The following SDK2 variants were observed in gnomAD, a reference collection of about 807,000 sequenced individuals.
SDK2 encodes protein sidekick-2.
A neutral mutation model predicts 253.9 loss-of-function variants in SDK2; 105 were observed. That is an observed-to-expected ratio of 0.41 (90% CI 0.35 to 0.49). The LOEUF is 0.49. SDK2 is among the 20% of genes least tolerant of loss of function. The pLI, the probability that SDK2 is intolerant of heterozygous loss-of-function variation, is 0.06. For synonymous variants in SDK2, 1,249 were observed against 1,234.9 expected (o/e 1.01, Z -0.24); for missense variants, 2,608 against 3,003.0 (o/e 0.87, Z 3.07).
Position 73,383,748 on chromosome 17 carries a change from G to T in SDK2, c.4705+128C>A. The T allele has an allele frequency of 9.3e-7, 1 of 1,071,960 alleles. No homozygotes were observed. Among genetic ancestry groups the T allele is most frequent in the Non-Finnish European group, 1.4e-6 (1 of 727,368 alleles). 66.4% of individuals were successfully genotyped at this position (1,071,960 alleles called of 1,614,324 possible). A position where few individuals can be genotyped will look rare whatever the true frequency, so the allele number is the denominator to read the frequency against. On this transcript the variant is annotated intron_variant, in intron 33 of 44. Transcript: ENST00000392650. This position sits in a 1 kb window ranked among gnomAD's most constrained non-coding sequence, Gnocchi z 4.3. ...ATGAATGGGATGGGAGGAGGGAGAGGCACACATGGAGGAGGGAGGCAAGGT... is the reference window on the plus strand; with the variant it reads ...ATGAATGGGATGGGAGGAGGGAGAGTCACACATGGAGGAGGGAGGCAAGGT...
chr17:73,620,040 C>T (rs1418678570), intron 1 of SDK2, among the ~76,000 whole-genome samples: 7 of 151,872 alleles, frequency 4.6e-5, no homozygotes, highest in South Asian at 2.1e-4. Flanking sequence ...CTCTACAAAA[C>T]GTACAAAAAT....
chr17:73,543,401 C>T (rs1327672381), intron 1 of SDK2, among the ~76,000 whole-genome samples: 1 of 152,196 alleles, frequency 6.6e-6, no homozygotes, highest in Non-Finnish European at 1.5e-5. Flanking sequence ...GAAAAGATTC[C>T]CCACTCTGAG....
chr17:73,398,739 A>G (rs1411741086), intron 22 of SDK2, among the ~76,000 whole-genome samples: 1 of 152,162 alleles, frequency 6.6e-6, no homozygotes, highest in Non-Finnish European at 1.5e-5. Context: ...CTGTGCTTTT[A>G]ACAAGCAGCC....
intron 3 of SDK2, among the ~76,000 whole-genome samples, chr17:73,466,102 G>C (rs909777305): frequency 1.3e-5 from 2 of 152,196 alleles, no homozygotes; most frequent in Admixed American, 6.5e-5. Flanking sequence ...TACGGGGTGA[G>C]CACTTGAGAA....
chr17:73,597,596 T>C (rs1477176186), intron 1 of SDK2, among the ~76,000 whole-genome samples: 3 of 152,064 alleles, frequency 2.0e-5, no homozygotes, highest in African/African-American at 7.2e-5. Context: ...GCTATCCTTA[T>C]AAATATGTAT....
chr17:73,415,784 T>G (rs1314271048), intron 17 of SDK2, 27 bp downstream of exon 17: 1 of 1,543,090 alleles, frequency 6.5e-7, no homozygotes, highest in Non-Finnish European at 8.8e-7. Flanking sequence ...CCACCGCGCC[T>G]GGTCTGAGAC....
intron 1 of SDK2, among the ~76,000 whole-genome samples, chr17:73,579,691 T>C (rs2045506740): frequency 6.6e-6 from 1 of 152,108 alleles, no homozygotes; most frequent in Admixed American, 6.5e-5. Context: ...AAGAAGAGAT[T>C]AGAGGCTGGA....
intron 36 of SDK2, among the ~76,000 whole-genome samples, chr17:73,375,858 GA>G (rs1211045111): frequency 8.8e-6 from 1 of 113,614 alleles, no homozygotes. Flanking sequence ...TCCATCTCAG[GA>G]AAAAAAAGAA....
At chr17:73,493,900 G>A (rs920533172) in intron 2 of SDK2, among the ~76,000 whole-genome samples, 5 of 151,972 alleles carry the variant, frequency 3.3e-5, no homozygotes, top group African/African-American at 9.7e-5. Context: ...TGTCCTCCCC[G>A]TCCCACCTAC....
chr17:73,352,494 T>A lies in SDK2; in HGVS notation c.5737A>T (p.Ser1913Cys). The A allele has an allele frequency of 1.1e-5, 17 of 1,613,554 alleles. No individual in the cohort carries two copies. The highest frequency in any genetic ancestry group is 1.4e-5 in the Non-Finnish European group (16 of 1,179,750). The stretch of plus-strand genomic sequence containing the variant: ...GTACCTGGCACAGACTGGGAGGGGC[T>A]GCTGGGGGTGCCGAAACCATAGTCG... ...VNDYGFGTPSSPSQSVPAQKA... is the reference protein window; with the variant it reads ...VNDYGFGTPSCPSQSVPAQKA... Residue 1913 changes from serine (S) to cysteine (C), a missense_variant, in exon 41 of 45, where the codon AGC becomes TGC. Coordinates refer to ENST00000392650, the MANE Select transcript of SDK2 (RefSeq NM_001144952.2). The surrounding 1 kb of genome is among the most constrained non-coding windows in gnomAD (Gnocchi z 4.1).
At position 73,422,381 on chromosome 17, in the gene SDK2, T is replaced by C. The variant is rs1413395921; in HGVS notation, c.1951A>G (p.Thr651Ala). Residue 651 changes from threonine to alanine, a missense_variant, in exon 15 of 45, where the codon ACA becomes GCA. This residue lies in a region of SDK2 where 1,505 missense variants were observed against 1,859.1 expected (regional missense o/e 0.81). Transcript: ENST00000392650. ...ASVDPKATSV[T>A]VKGLVPARSY... ...CGTGCAGGAACCAGGCCCTTGACTG[T>C]CACTGAGGTAGCTTTGGGGTCCACA... The C allele has an allele frequency of 1.2e-6, 2 of 1,613,792 alleles. No individual in the cohort carries two copies. The highest frequency in any genetic ancestry group is 1.7e-6 in the Non-Finnish European group (2 of 1,179,868).
intron 2 of SDK2, among the ~76,000 whole-genome samples, chr17:73,476,617 T>C (rs553218292): frequency 1.3e-5 from 2 of 152,294 alleles, no homozygotes; most frequent in African/African-American, 4.8e-5. Flanking sequence ...CATTTCTTTT[T>C]CATTTTTTTT....
intron 1 of SDK2, among the ~76,000 whole-genome samples, chr17:73,587,564 G>C (rs889940986): frequency 6.6e-6 from 1 of 152,218 alleles, no homozygotes; most frequent in Non-Finnish European, 1.5e-5. Flanking sequence ...TGTCATCCTG[G>C]TGCAGGCTCA....
At chr17:73,439,718 G>A (rs1048181286) in intron 6 of SDK2, among the ~76,000 whole-genome samples, 19 of 152,336 alleles carry the variant, frequency 1.2e-4, no homozygotes, top group African/African-American at 4.1e-4. Flanking sequence ...CGCTGCCTAT[G>A]CGCCTTCCGC....
Position 73,534,577 on chromosome 17 carries a change from C to A in SDK2, c.65-26980G>T, listed in dbSNP as rs901037569. On this transcript the variant is annotated intron_variant, in intron 1 of 44. Coordinates refer to ENST00000392650, the MANE Select transcript of SDK2 (RefSeq NM_001144952.2). This position sits in a 1 kb window ranked among gnomAD's most constrained non-coding sequence, Gnocchi z 4.9. ...GATGGGAAGATGCACAGAGGCAGAG[C>A]GCGAGACCAGCAAGGCAGCAGGGAA... Among the ~76,000 whole-genome samples, 2 of 152,046 alleles carry A rather than the reference C, an allele frequency of 1.3e-5. No homozygotes were observed. Among genetic ancestry groups the A allele is most frequent in the South Asian group, 4.2e-4 (2 of 4,818 alleles).
At chr17:73,561,097 G>C (rs1281407950) in intron 1 of SDK2, among the ~76,000 whole-genome samples, 1 of 152,180 alleles carries the variant, frequency 6.6e-6, no homozygotes, top group Non-Finnish European at 1.5e-5. Flanking sequence ...CAAGCTTTTG[G>C]GGACCTGGCC....
chr17:73,630,817 C>T (rs1428800478), intron 1 of SDK2, among the ~76,000 whole-genome samples: 1 of 152,078 alleles, frequency 6.6e-6, no homozygotes. Context: ...CTGTCCACCC[C>T]GCTTGTCCTG....
intron 5 of SDK2, among the ~76,000 whole-genome samples, chr17:73,444,784 G>A (rs1266751306): frequency 2.0e-5 from 3 of 152,126 alleles, no homozygotes; most frequent in Non-Finnish European, 4.4e-5. Flanking sequence ...GTCGGTGAGC[G>A]GTGGGGCAGG....
Position 73,355,174 on chromosome 17 carries a change from A to ATATATATATATATATATATTTTTTTTTTT in SDK2, c.5594-2538_5594-2537insAAAAAAAAAAATATATATATATATATATA. ...CCTACACCTCCATATATATATATAT[A>ATATATATATATATATATATTTTTTTTTTT]TTTTTTTTTTTTTTTTTTTTTAGAC... On this transcript the variant is annotated intron_variant, in intron 40 of 44. Coordinates refer to ENST00000392650, the MANE Select transcript of SDK2 (RefSeq NM_001144952.2). Among the ~76,000 whole-genome samples, 7 of 47,222 alleles carry ATATATATATATATATATATTTTTTTTTTT rather than the reference A, an allele frequency of 1.5e-4. 1 individual carries two copies. Among genetic ancestry groups the ATATATATATATATATATATTTTTTTTTTT allele is most frequent in the African/African-American group, 9.8e-4 (6 of 6,128 alleles). The allele number at this position is 47,222 out of a possible 152,430, so 31.0% of individuals were successfully genotyped here. A position where few individuals can be genotyped will look rare whatever the true frequency, so the allele number is the denominator to read the frequency against.
Sources: gnomAD v4.1 joint callset for allele counts (sites outside exome capture counted in the v4.1 genomes callset) on GRCh38, gnomAD v4.1.1 for gene constraint, gnomAD v4.1.1 regional missense constraint, Gnocchi (gnomAD v3.1) non-coding constraint, MANE v1.5 for transcripts, NCBI Gene and HGNC (gene_info 2026-07-23, HGNC 2026-07-21) for gene names.